The following EGFR variants were observed in gnomAD, a reference collection of about 807,000 sequenced individuals.
EGFR encodes the protein avian erythroblastic leukemia viral (v-erb-b) oncogene homolog.
EGFR carries 58 observed loss-of-function variants against 143.0 expected under a neutral mutation model. That is an observed-to-expected ratio of 0.41 (90% CI 0.33 to 0.50). The LOEUF (loss-of-function observed/expected upper bound fraction) is 0.50. Ranked by LOEUF, EGFR falls within the 20% of genes least tolerant of loss-of-function variation. The pLI is 0.39. For synonymous variants in EGFR, 613 were observed against 594.4 expected (o/e 1.03, Z -0.45); for missense variants, 1,307 against 1,579.0 (o/e 0.83, Z 2.92).
rs552902464 is a variant in EGFR, at chr7:55,127,068, T to C, written c.89-15218T>C. 3.9e-5 allele frequency among the ~76,000 whole-genome samples: 6 copies of C among 152,320 alleles called. No homozygotes were observed. In the East Asian group the frequency reaches 1.2e-3, roughly 29 times the overall value. The stretch of plus-strand genomic sequence containing the variant: ...AATGTACCATCTAGTTAATAAGAGC[T>C]CCTCTGACCCACGCACATCAATACT... On this transcript the variant is annotated intron_variant, in intron 1 of 27. Transcript: ENST00000275493.
intron 16 of EGFR, 123 bp downstream of exon 16, chr7:55,171,336 C>A: frequency 1.5e-6 from 2 of 1,366,280 alleles, no homozygotes; most frequent in African/African-American, 1.4e-5. Context: ...TGGCTCTGGG[C>A]CAGCCTACCC....
chr7:55,178,360 G>A (rs964605449), intron 19 of EGFR, among the ~76,000 whole-genome samples: 4 of 152,202 alleles, frequency 2.6e-5, no homozygotes, highest in Admixed American at 2.0e-4. Context: ...GGAAGGGAAC[G>A]CAAAACAGAT....
chr7:55,174,843 G>C (rs758591111), intron 19 of EGFR, 23 bp downstream of exon 19: 2 of 1,597,540 alleles, frequency 1.3e-6, no homozygotes, highest in African/African-American at 1.3e-5. Context: ...TTTGCTGTGT[G>C]GGGGTCCATG....
At chr7:55,204,590 C>A (rs571464989) in intron 27 of EGFR, among the ~76,000 whole-genome samples, 1 of 138,886 alleles carries the variant, frequency 7.2e-6, no homozygotes, top group Admixed American at 7.2e-5. Context: ...ACACACCACA[C>A]ATACACACAC....
chr7:55,113,939 G>A (rs919778244), intron 1 of EGFR, among the ~76,000 whole-genome samples: 5 of 152,188 alleles, frequency 3.3e-5, no homozygotes, highest in Non-Finnish European at 7.3e-5. Context: ...ACACTCTGAT[G>A]GGCACGGCCA....
At position 55,142,262 on chromosome 7, in the gene EGFR, G is replaced by A. The variant is rs368926971; in HGVS notation, c.89-24G>A. 1.4e-5 allele frequency: 23 copies of A among 1,613,968 alleles called. No homozygotes were observed. The Admixed American group carries it at 2.8e-4, about 20-fold the overall frequency. On this transcript the variant is annotated intron_variant, in intron 1 of 27. Transcript: ENST00000275493. Reference sequence around the variant, plus strand: ...TTTTCTGCATTTCTCAGTATTTCATGTGATATCTGTCTTTTTCTTCCAGTT... The same window carrying A: ...TTTTCTGCATTTCTCAGTATTTCATATGATATCTGTCTTTTTCTTCCAGTT...
At chr7:55,131,156 C>T (rs574875768) in intron 1 of EGFR, among the ~76,000 whole-genome samples, 3 of 152,142 alleles carry the variant, frequency 2.0e-5, no homozygotes, top group Non-Finnish European at 4.4e-5. Context: ...ATGTTGCCTT[C>T]ATAGGGGTGG....
In EGFR at chr7:55,143,343, C is replaced by T. The variant is rs2128927253; in HGVS notation, c.279C>T (p.Leu93=). The part of the protein sequence containing the change: ...QEVAGYVLIA[L]NTVERIPLEN... ...TGGCTGGTTATGTCCTCATTGCCCT[C>T]AACACAGTGGAGCGAATTCCTTTGG... The change falls in exon 3 of 28, where the codon CTC becomes CTT. Residue 93 remains leucine, a synonymous_variant. Coordinates refer to ENST00000275493, the MANE Select transcript of EGFR (RefSeq NM_005228.5). The T allele has an allele frequency of 1.2e-6, 2 of 1,614,246 alleles. No individual in the cohort carries two copies. Among genetic ancestry groups the T allele is most frequent in the Non-Finnish European group, 1.7e-6 (2 of 1,180,050 alleles).
At chr7:55,167,522 G>A (rs111211491) in intron 15 of EGFR, among the ~76,000 whole-genome samples, 2,602 of 113,666 alleles carry the variant, frequency 0.023, 45 homozygotes, top group East Asian at 0.073. Context: ...GGTGATGGTG[G>A]TGAGGAGGTG....
intron 18 of EGFR, 30 bp downstream of exon 18, chr7:55,174,073 G>A (rs2128953846): frequency 1.9e-6 from 3 of 1,613,886 alleles, no homozygotes; most frequent in Non-Finnish European, 2.5e-6. Flanking sequence ...CCTCTGGGCT[G>A]GGCCGCAGGG....
intron 15 of EGFR, chr7:55,170,677 C>G: frequency 6.3e-7 from 1 of 1,587,932 alleles, no homozygotes; most frequent in Non-Finnish European, 8.5e-7. Flanking sequence ...CTCACCCCAA[C>G]TAGTAGCTAA....
At chr7:55,048,194 G>T (rs12533495) in intron 1 of EGFR, among the ~76,000 whole-genome samples, 6,562 of 152,164 alleles carry the variant, frequency 0.043, 268 homozygotes, top group South Asian at 0.13. Context: ...TTTCAGTTAG[G>T]AATTAGGGAT....
intron 1 of EGFR, among the ~76,000 whole-genome samples, chr7:55,027,991 AATATATATATATATATAT>A (rs374300539): frequency 9.1e-5 from 5 of 54,990 alleles, no homozygotes; most frequent in Non-Finnish European, 1.1e-4. Context: ...AAAAAAAAAA[AATATATATATATATATAT>A]ATATATATAT....
At chr7:55,144,391 G>GA (rs1794643242) in intron 3 of EGFR, among the ~76,000 whole-genome samples, 1 of 152,252 alleles carries the variant, frequency 6.6e-6, no homozygotes, top group African/African-American at 2.4e-5. Context: ...CCCAGCTAGT[G>GA]AATGGAGAGG....
At chr7:55,140,135 T>C (rs1794381232) in intron 1 of EGFR, among the ~76,000 whole-genome samples, 1 of 151,992 alleles carries the variant, frequency 6.6e-6, no homozygotes, top group Admixed American at 6.5e-5. Flanking sequence ...CTGTTTTCTA[T>C]AATAGATTAA....
chr7:55,087,312 A>T (rs946695736), intron 1 of EGFR, among the ~76,000 whole-genome samples: 2 of 147,366 alleles, frequency 1.4e-5, no homozygotes, highest in Admixed American at 6.8e-5. Flanking sequence ...TACTCTGAGG[A>T]TATGCTTATA....
rs2128853183 is a variant in EGFR at position 55,019,244 on chromosome 7, G to T, written c.-34G>T. 1.4e-6 allele frequency: 2 copies of T among 1,457,090 alleles called. No homozygotes were observed. The highest frequency in any genetic ancestry group is 1.8e-6 in the Non-Finnish European group (2 of 1,093,214). The allele number at this position is 1,457,090 out of a possible 1,614,324, so 90.3% of individuals were successfully genotyped here. ...CCCCTGACTCCGTCCAGTATTGATCGGGAGAGCCGGAGCGAGCTCTTCGGG... is the reference window on the plus strand; with the variant it reads ...CCCCTGACTCCGTCCAGTATTGATCTGGAGAGCCGGAGCGAGCTCTTCGGG... On this transcript the variant is annotated 5_prime_UTR_variant, in exon 1 of 28. Coordinates refer to ENST00000275493, the MANE Select transcript of EGFR (RefSeq NM_005228.5).
At chr7:55,104,751 T>C (rs554309830) in intron 1 of EGFR, among the ~76,000 whole-genome samples, 48 of 152,326 alleles carry the variant, frequency 3.2e-4, no homozygotes, top group African/African-American at 9.1e-4. Flanking sequence ...TCAGTAACTC[T>C]GAGGGGCATT....
At chr7:55,157,608 A>G in intron 10 of EGFR, 55 bp from the exon 11 acceptor site, 4 of 1,464,598 alleles carry the variant, frequency 2.7e-6, no homozygotes, top group Admixed American at 3.4e-5. Context: ...AATGTCTCAT[A>G]CAAAAAAGAA....
Sources: gnomAD v4.1 joint callset for allele counts (sites outside exome capture counted in the v4.1 genomes callset) on GRCh38, gnomAD v4.1.1 for gene constraint, MANE v1.5 for transcripts, NCBI Gene and HGNC (gene_info 2026-07-23, HGNC 2026-07-21) for gene names.